Variants in CDC42BPA observed in about 807,000 individuals in gnomAD.
CDC42BPA encodes serine/threonine-protein kinase MRCK alpha.
CDC42BPA carries 80 observed loss-of-function variants against 223.5 expected under a neutral mutation model. That is an observed-to-expected ratio of 0.36 (90% CI 0.30 to 0.43). The LOEUF is 0.43. Ranked by LOEUF, CDC42BPA falls within the 20% of genes least tolerant of loss-of-function variation. The pLI, the probability that CDC42BPA is intolerant of heterozygous loss-of-function variation, is 1.00. For missense variants in CDC42BPA, 1,743 were observed against 2,099.9 expected (o/e 0.83, Z 3.32); for synonymous variants, 694 against 718.6 (o/e 0.97, Z 0.55).
chr1:227,107,881 T>C (rs1023959035), intron 14 of CDC42BPA, among the ~76,000 whole-genome samples: 3 of 152,210 alleles, frequency 2.0e-5, no homozygotes, highest in Admixed American at 1.3e-4. Context: ...GGGCATACAG[T>C]TGTTCCTCTT....
chr1:227,174,903 G>C (rs1666700782), intron 5 of CDC42BPA, among the ~76,000 whole-genome samples: 1 of 152,100 alleles, frequency 6.6e-6, no homozygotes, highest in South Asian at 2.1e-4. Context: ...GAGATTCTAC[G>C]CAACAGAAAG....
At chr1:227,010,068 T>C (rs1231626315) in intron 34 of CDC42BPA, among the ~76,000 whole-genome samples, 1 of 152,096 alleles carries the variant, frequency 6.6e-6, no homozygotes. Context: ...CTTCAGAAAA[T>C]GTTCCCTTGA....
intron 10 of CDC42BPA, among the ~76,000 whole-genome samples, chr1:227,135,785 C>T (rs1311598908): frequency 1.5e-5 from 2 of 132,810 alleles, no homozygotes; most frequent in Admixed American, 1.6e-4. Context: ...ACCTGGGAGG[C>T]GGAGGTTGCA....
At chr1:227,091,545 CA>C (rs1323989329) in intron 16 of CDC42BPA, among the ~76,000 whole-genome samples, 2 of 152,264 alleles carry the variant, frequency 1.3e-5, no homozygotes, top group South Asian at 4.1e-4. Flanking sequence ...CCTGCAGAAC[CA>C]TAAGCCAAAA....
intron 1 of CDC42BPA, among the ~76,000 whole-genome samples, chr1:227,302,188 C>T (rs964482312): frequency 1.3e-5 from 2 of 152,170 alleles, no homozygotes; most frequent in Non-Finnish European, 2.9e-5. Flanking sequence ...CTGTTACTTC[C>T]TCATCTTCAT....
chr1:227,277,545 A>G (rs12138664), intron 1 of CDC42BPA, among the ~76,000 whole-genome samples: 17,817 of 152,252 alleles, frequency 0.12, 1,242 homozygotes, highest in South Asian at 0.18. Flanking sequence ...GTTATCCATC[A>G]CAATCAAGAT....
chr1:227,085,185 A>C, intron 16 of CDC42BPA, among the ~76,000 whole-genome samples: 2 of 147,542 alleles, frequency 1.4e-5, no homozygotes, highest in Admixed American at 1.4e-4. Flanking sequence ...TACATATACC[A>C]CCTCCCACCC....
chr1:227,056,364 A>G (rs1674547911), intron 21 of CDC42BPA, among the ~76,000 whole-genome samples: 1 of 151,602 alleles, frequency 6.6e-6, no homozygotes, highest in Non-Finnish European at 1.5e-5. Flanking sequence ...TGTAAGTTAA[A>G]AAGTCCCAGT....
chr1:227,089,133 G>A (rs532362857), intron 16 of CDC42BPA, among the ~76,000 whole-genome samples: 31 of 152,178 alleles, frequency 2.0e-4, no homozygotes, highest in African/African-American at 7.5e-4. Flanking sequence ...ATTTAAAAAC[G>A]TGAAAATCTG....
intron 1 of CDC42BPA, among the ~76,000 whole-genome samples, chr1:227,306,799 G>A (rs929731570): frequency 2.6e-5 from 4 of 152,120 alleles, no homozygotes; most frequent in African/African-American, 7.2e-5. Flanking sequence ...CATTGCGGGG[G>A]CTTTTCCTAA....
intron 5 of CDC42BPA, among the ~76,000 whole-genome samples, chr1:227,188,414 G>GA (rs35709081): frequency 6.7e-6 from 1 of 148,954 alleles, no homozygotes; most frequent in Admixed American, 6.7e-5. Context: ...GAGAGAGAGG[G>GA]AAAAAAAAAA....
intron 3 of CDC42BPA, among the ~76,000 whole-genome samples, chr1:227,211,280 T>A (rs952192258): frequency 6.6e-6 from 1 of 152,094 alleles, no homozygotes; most frequent in Non-Finnish European, 1.5e-5. Context: ...TCTGGGGGGA[T>A]GCAGATAAAA....
chr1:227,042,586 A>G (rs1234256973), intron 23 of CDC42BPA, among the ~76,000 whole-genome samples: 1 of 152,140 alleles, frequency 6.6e-6, no homozygotes, highest in African/African-American at 2.4e-5. Flanking sequence ...TTTAGGTAAT[A>G]CACAATAGGA....
intron 4 of CDC42BPA, among the ~76,000 whole-genome samples, chr1:227,199,107 TAATAAA>T (rs1671288179): frequency 1.3e-5 from 2 of 152,196 alleles, no homozygotes; most frequent in Non-Finnish European, 2.9e-5. Flanking sequence ...GTTAGTTATG[TAATAAA>T]AATAATTTAA....
At chr1:227,187,265 T>C (rs1668926392) in intron 5 of CDC42BPA, among the ~76,000 whole-genome samples, 2 of 152,108 alleles carry the variant, frequency 1.3e-5, no homozygotes, top group Admixed American at 1.3e-4. Context: ...ATTATTAATA[T>C]GTTAAAGATT....
At chr1:227,063,635 T>C (rs1021658462) in intron 21 of CDC42BPA, among the ~76,000 whole-genome samples, 1 of 152,158 alleles carries the variant, frequency 6.6e-6, no homozygotes, top group African/African-American at 2.4e-5. Context: ...CAGGTAGGGT[T>C]GTGGTGAATA....
intron 1 of CDC42BPA, 48 bp from the exon 2 acceptor site, chr1:227,254,203 C>A (rs552975882): frequency 1.1e-6 from 1 of 939,460 alleles, no homozygotes; most frequent in Non-Finnish European, 1.7e-6. Flanking sequence ...AAATGTGATG[C>A]AAATTAGATA....
intron 24 of CDC42BPA, among the ~76,000 whole-genome samples, chr1:227,037,760 G>C (rs370181641): frequency 2.0e-5 from 3 of 152,290 alleles, no homozygotes; most frequent in South Asian, 4.1e-4. Flanking sequence ...GAGATCTTCA[G>C]AATGTTCATG....
At chr1:227,164,676 G>T (rs1328492604) in intron 5 of CDC42BPA, among the ~76,000 whole-genome samples, 1 of 152,050 alleles carries the variant, frequency 6.6e-6, no homozygotes, top group East Asian at 1.9e-4. Context: ...TTTCAAGTGC[G>T]TGCGCATGAG....
Sources: allele counts gnomAD v4.1 joint callset (sites outside exome capture counted in the v4.1 genomes callset), GRCh38; gene constraint gnomAD v4.1.1; transcripts MANE v1.5; gene names NCBI Gene and HGNC (gene_info 2026-07-23, HGNC 2026-07-21).